The following GABBR2 variants were observed in gnomAD, a reference collection of about 807,000 sequenced individuals.
GABBR2 encodes gamma-aminobutyric acid type B receptor subunit 2, also known as G-protein coupled receptor 51.
A neutral mutation model predicts 105.6 loss-of-function variants in GABBR2; 23 were observed. That is an observed-to-expected ratio of 0.22 (90% CI 0.16 to 0.31). GABBR2 has a LOEUF of 0.31. GABBR2 is among the 10% of genes least tolerant of loss of function. The pLI, the probability that GABBR2 is intolerant of heterozygous loss-of-function variation, is 1.00. For synonymous variants in GABBR2, 478 were observed against 499.7 expected (o/e 0.96, Z 0.58); for missense variants, 734 against 1,245.5 (o/e 0.59, Z 6.18).
At chr9:98,291,038 G>T (rs552647315) in intron 18 of GABBR2, among the ~76,000 whole-genome samples, 1 of 152,136 alleles carries the variant, frequency 6.6e-6, no homozygotes, top group Non-Finnish European at 1.5e-5. Context: ...AAATACCCTA[G>T]CAGAAAAGAT....
chr9:98,486,335 A>G (rs1409730784), intron 4 of GABBR2, among the ~76,000 whole-genome samples: 1 of 152,234 alleles, frequency 6.6e-6, no homozygotes, highest in African/African-American at 2.4e-5. Context: ...AACTGAGAAA[A>G]GTCATGCAGA....
rs533657663 is a variant in GABBR2 at position 98,625,769 on chromosome 9, G to A, written c.322-47697C>T. ...GTCCCCACAGGCCAGTCACAGTCTG[G>A]AGGGAATGCATTTAGGCAACTCTCT... is the stretch of plus-strand genomic sequence containing the variant. On this transcript the variant is annotated intron_variant, in intron 1 of 18. Transcript: ENST00000259455. Among the ~76,000 whole-genome samples, 12 of 152,288 alleles carry A rather than the reference G, an allele frequency of 7.9e-5. No homozygotes were observed. In the South Asian group the frequency reaches 2.1e-3, roughly 26 times the overall value.
At chr9:98,699,245 A>C (rs946376573) in intron 1 of GABBR2, among the ~76,000 whole-genome samples, 34 of 152,148 alleles carry the variant, frequency 2.2e-4, no homozygotes, top group Non-Finnish European at 4.6e-4. Context: ...TTTATTTCCT[A>C]GGTTTTGATG....
intron 3 of GABBR2, among the ~76,000 whole-genome samples, chr9:98,530,340 A>C (rs1390464820): frequency 6.6e-6 from 1 of 152,118 alleles, no homozygotes; most frequent in Non-Finnish European, 1.5e-5. Context: ...GGGTACAGGG[A>C]CTTGGGGGGA....
chr9:98,573,170 G>A (rs913405155), intron 2 of GABBR2, among the ~76,000 whole-genome samples: 2 of 152,178 alleles, frequency 1.3e-5, no homozygotes, highest in Admixed American at 6.5e-5. Flanking sequence ...CAGACCCTGC[G>A]CCAGACACTG....
At chr9:98,406,455 G>C (rs1027447738) in intron 7 of GABBR2, among the ~76,000 whole-genome samples, 2 of 152,354 alleles carry the variant, frequency 1.3e-5, no homozygotes, top group African/African-American at 4.8e-5. Flanking sequence ...TAATGGGGAC[G>C]ACGTCTTCTG....
chr9:98,416,146 C>A (rs1218420475), intron 7 of GABBR2, among the ~76,000 whole-genome samples: 1 of 152,210 alleles, frequency 6.6e-6, no homozygotes, highest in African/African-American at 2.4e-5. Flanking sequence ...GATTTAACAG[C>A]TGGCTCACAA....
chr9:98,600,640 T>C (rs149834610), intron 1 of GABBR2, among the ~76,000 whole-genome samples: 146 of 152,346 alleles, frequency 9.6e-4, no homozygotes, highest in Middle Eastern at 3.4e-3. Flanking sequence ...ATGACTATTG[T>C]TATTTGCATT....
intron 4 of GABBR2, among the ~76,000 whole-genome samples, chr9:98,490,514 G>T (rs1303202163): frequency 6.6e-6 from 1 of 152,298 alleles, no homozygotes; most frequent in East Asian, 1.9e-4. Context: ...TACAATAAAA[G>T]ATTTTCTTTA....
At chr9:98,576,833 T>C (rs1005577393) in intron 2 of GABBR2, among the ~76,000 whole-genome samples, 4 of 152,170 alleles carry the variant, frequency 2.6e-5, no homozygotes, top group Admixed American at 6.5e-5. Context: ...ACCATACCTA[T>C]CCTGTTCAGC....
At chr9:98,392,786 CTGTT>C (rs1370196311) in intron 9 of GABBR2, among the ~76,000 whole-genome samples, 1 of 152,182 alleles carries the variant, frequency 6.6e-6, no homozygotes, top group African/African-American at 2.4e-5. Context: ...ACTAGACTGT[CTGTT>C]TGTCCATCCG....
chr9:98,525,582 T>C (rs931207153), intron 3 of GABBR2, among the ~76,000 whole-genome samples: 1 of 152,248 alleles, frequency 6.6e-6, no homozygotes, highest in African/African-American at 2.4e-5. Context: ...GTATATCCAT[T>C]GATGCAAACC....
intron 11 of GABBR2, among the ~76,000 whole-genome samples, chr9:98,380,020 T>G: frequency 6.6e-6 from 1 of 152,188 alleles, no homozygotes; most frequent in Non-Finnish European, 1.5e-5. Context: ...CAGAATAGTC[T>G]TGCTTTCTAA....
chr9:98,313,930 G>C (rs1830675642), intron 13 of GABBR2, among the ~76,000 whole-genome samples: 1 of 152,304 alleles, frequency 6.6e-6, no homozygotes, highest in African/African-American at 2.4e-5. Context: ...AGCAGGAGGA[G>C]CTAGGAGGGG....
chr9:98,466,834 T>C (rs1408403758), intron 6 of GABBR2, among the ~76,000 whole-genome samples: 5 of 152,226 alleles, frequency 3.3e-5, no homozygotes, highest in African/African-American at 1.2e-4. Flanking sequence ...AAAAGATGTC[T>C]GTGGGGAGGC....
chr9:98,672,389 C>T (rs565668596), intron 1 of GABBR2, among the ~76,000 whole-genome samples: 1 of 152,322 alleles, frequency 6.6e-6, no homozygotes, highest in East Asian at 1.9e-4. Context: ...GTCACAACTT[C>T]CCTTTTAAGT....
At chr9:98,517,715 T>G (rs1291467055) in intron 3 of GABBR2, among the ~76,000 whole-genome samples, 1 of 152,218 alleles carries the variant, frequency 6.6e-6, no homozygotes, top group Non-Finnish European at 1.5e-5. Flanking sequence ...CTGCCCTGCT[T>G]TTTTCATGGA....
At chr9:98,606,029 G>A (rs902383260) in intron 1 of GABBR2, among the ~76,000 whole-genome samples, 5 of 152,068 alleles carry the variant, frequency 3.3e-5, no homozygotes, top group African/African-American at 1.2e-4. Flanking sequence ...GCGGTGTTTG[G>A]TTTTTTGTCC....
chr9:98,593,943 T>G (rs562155312), intron 1 of GABBR2, among the ~76,000 whole-genome samples: 2 of 152,272 alleles, frequency 1.3e-5, no homozygotes, highest in African/African-American at 4.8e-5. Context: ...CTGTCACACA[T>G]CACTGTGATG....
Sources: gnomAD v4.1 joint callset for allele counts (sites outside exome capture counted in the v4.1 genomes callset) on GRCh38, gnomAD v4.1.1 for gene constraint, MANE v1.5 for transcripts, NCBI Gene and HGNC (gene_info 2026-07-23, HGNC 2026-07-21) for gene names.